The following THBS1 variants were observed in gnomAD, a reference collection of about 807,000 sequenced individuals.
The protein encoded by THBS1 is thrombospondin-1.
A neutral mutation model predicts 126.1 loss-of-function variants in THBS1; 29 were observed. That is an observed-to-expected ratio of 0.23 (90% CI 0.17 to 0.31). The LOEUF (loss-of-function observed/expected upper bound fraction) is 0.31, where lower values mean the gene tolerates loss of function less well. THBS1 is among the 10% of genes least tolerant of loss of function. THBS1 has a pLI of 1.00. For synonymous variants in THBS1, 496 were observed against 577.8 expected, an observed-to-expected ratio of 0.86 and a Z score of 2.03; for missense variants, 1,198 against 1,545.2, an observed-to-expected ratio of 0.78 and a Z score of 3.77.
At position 39,591,505 on chromosome 15, in the gene THBS1, G is replaced by T; in HGVS notation, c.2414G>T (p.Gly805Val). 6.2e-7 allele frequency: 1 copy of T among 1,613,956 alleles called. No individual in the cohort carries two copies. Among genetic ancestry groups the T allele is most frequent in the Non-Finnish European group, 8.5e-7 (1 of 1,179,886 alleles). The change falls in exon 16 of 22, where the codon GGT becomes GTT. Residue 805 changes from glycine to valine, a missense_variant and splice_region_variant. Physicochemically the swap from Gly to Val is moderately radical, Grantham distance 109. Coordinates refer to ENST00000260356, the MANE Select transcript of THBS1 (RefSeq NM_003246.4). ...CTTATTTGTCCCTTGTTCTCTTCAG[G>T]TATCCTCAATGAACGGGACAACTGC... ...DACAADIDGD[G>V]ILNERDNCQY...
In THBS1 at chr15:39,592,523, ATGGTTTATAC is replaced by A. The variant is rs1890346234; in HGVS notation, c.2533-42_2533-33del. The A allele has an allele frequency of 4.0e-6, 6 of 1,491,092 alleles. No homozygotes were observed. In the East Asian group the frequency reaches 1.2e-4, roughly 30 times the overall value. 92.4% of individuals were successfully genotyped at this position (1,491,092 alleles called of 1,614,324 possible). On this transcript the variant is annotated intron_variant, in intron 16 of 21. Coordinates refer to ENST00000260356, the MANE Select transcript of THBS1 (RefSeq NM_003246.4). The surrounding 1 kb of genome is among the most constrained non-coding windows in gnomAD (Gnocchi z 4.3). ...GGGGCATAAGTTATCTTTAACATGA[ATGGTTTATAC>A]TGCAATTTACCCTCCATTTACATCT...
intron 3 of THBS1, 71 bp downstream of exon 3, chr15:39,582,823 A>C (rs879049510): frequency 2.5e-5 from 37 of 1,483,380 alleles, no homozygotes; most frequent in Non-Finnish European, 3.2e-5. Context: ...GGAGGGCTAC[A>C]GGAAATCCTG....
rs761256274 is a variant in THBS1, at chr15:39,592,737, A to G, written c.2702A>G (p.Asp901Gly). 79 of 1,614,072 alleles carry G rather than the reference A, an allele frequency of 4.9e-5. No homozygotes were observed. Among genetic ancestry groups the G allele is most frequent in the Non-Finnish European group, 3.6e-5 (43 of 1,180,050 alleles). ...GCCTGTGACCACGATGATGACAACG[A>G]TGGCATTCCTGATGACAAGGACAAC... ...GDACDHDDDNDGIPDDKDNCR... is the reference protein window; with the variant it reads ...GDACDHDDDNGGIPDDKDNCR... The change falls in exon 17 of 22, where the codon GAT becomes GGT. Residue 901 changes from aspartate (D) to glycine (G), a missense_variant. Asp to Gly is a moderately conservative substitution (Grantham distance 94). Around this residue, in one of 4 missense-constraint regions of THBS1, gnomAD observed 255 missense variants for 373.9 expected, o/e 0.68. Transcript: ENST00000260356. The surrounding 1 kb of genome is among the most constrained non-coding windows in gnomAD (Gnocchi z 4.3).
In THBS1 at chr15:39,591,333, C is replaced by G. The variant is rs146772232; in HGVS notation, c.2396C>G (p.Ala799Gly). ...DNNGEGDACA[A>G]DIDGDGILNE... ...AATGGGGAAGGAGACGCCTGTGCTG[C>G]AGACATTGATGGAGACGGTAAGGTG... Residue 799 changes from alanine (A) to glycine (G), a missense_variant, in exon 15 of 22, where the codon GCA becomes GGA. By Grantham distance (60) the Ala-to-Gly change is moderately conservative. This residue lies in a region of THBS1 where 663 missense variants were observed against 860.1 expected (regional missense o/e 0.77). Transcript: ENST00000260356. The G allele has an allele frequency of 5.6e-6, 9 of 1,613,970 alleles. No homozygotes were observed. In the East Asian group the frequency reaches 2.0e-4, roughly 36 times the overall value.
At position 39,597,937 on chromosome 15, in the gene THBS1, G is replaced by A. The variant is rs762900753; in HGVS notation, c.*2568G>A. ...GGAAGTAAATGTGGATGAGGGAGGAGCTGTCCTTGCAATGTTGAGCCAAGC... is the reference window on the plus strand; with the variant it reads ...GGAAGTAAATGTGGATGAGGGAGGAACTGTCCTTGCAATGTTGAGCCAAGC... On this transcript the variant is annotated 3_prime_UTR_variant, in exon 22 of 22. Transcript: ENST00000260356. 2 of 152,174 alleles carry A rather than the reference G, an allele frequency of 1.3e-5. No homozygotes were observed. The highest frequency in any genetic ancestry group is 2.9e-5 in the Non-Finnish European group (2 of 68,032). The allele number at this position is 152,174 out of a possible 1,614,324, so 9.4% of individuals were successfully genotyped here. A position where few individuals can be genotyped will look rare whatever the true frequency, so the allele number is the denominator to read the frequency against.
Position 39,590,015 on chromosome 15 carries a change from T to C in THBS1, c.2137T>C (p.Cys713Arg). ...GTGCGTGGCCAATGCGACTTACCAC[T>C]GCAAAAAGGTAGAGCCAGGTCCTTT... ...LVCVANATYH[C>R]KKDNCPNLPN... Residue 713 changes from cysteine to arginine, a missense_variant, in exon 13 of 22, where the codon TGC becomes CGC. By Grantham distance (180) the Cys-to-Arg change is radical. Transcript: ENST00000260356. 1 of 1,598,704 alleles carries C rather than the reference T, an allele frequency of 6.3e-7. No individual in the cohort carries two copies. Among genetic ancestry groups the C allele is most frequent in the Non-Finnish European group, 8.5e-7 (1 of 1,172,634 alleles).
rs1055059894 is a variant in THBS1, at chr15:39,593,256, G to C, written c.2995+29G>C. On this transcript the variant is annotated intron_variant, in intron 18 of 21. Coordinates refer to ENST00000260356, the MANE Select transcript of THBS1 (RefSeq NM_003246.4). The surrounding 1 kb of genome is among the most constrained non-coding windows in gnomAD (Gnocchi z 5.9). ...AGTAGCGAGTTCTTAGATCCTAAGA[G>C]ACTGATGCATACATGGGGAAAAACA... 5.6e-6 allele frequency: 9 copies of C among 1,609,674 alleles called. No individual in the cohort carries two copies. In the African/African-American group the frequency reaches 1.2e-4, roughly 22 times the overall value.
In THBS1 at chr15:39,592,995, C is replaced by T; in HGVS notation, c.2768-5C>T. On this transcript the variant is annotated splice_region_variant and splice_polypyrimidine_tract_variant and intron_variant, in intron 17 of 21. Coordinates refer to ENST00000260356, the MANE Select transcript of THBS1 (RefSeq NM_003246.4). This position sits in a 1 kb window ranked among gnomAD's most constrained non-coding sequence, Gnocchi z 4.3. ...TTTGCTGAACTCTTGCTTTTTTGAC[C>T]TCAGGCGATGGTCGAGGTGATGCCT... The T allele has an allele frequency of 6.2e-7, 1 of 1,612,606 alleles. No individual in the cohort carries two copies. The highest frequency in any genetic ancestry group is 2.2e-5 in the East Asian group (1 of 44,884).
rs926678363 is a variant in THBS1 at position 39,598,143 on chromosome 15, T to C, written c.*2774T>C. ...GATTTTTGGATGGGCTAATTATGAA[T>C]GTGGAATACTGACCAGTTAATTTCC... is the stretch of plus-strand genomic sequence containing the variant. On this transcript the variant is annotated 3_prime_UTR_variant, in exon 22 of 22. Coordinates refer to ENST00000260356, the MANE Select transcript of THBS1 (RefSeq NM_003246.4). 3 of 152,214 alleles carry C rather than the reference T, an allele frequency of 2.0e-5. No individual in the cohort carries two copies. Among genetic ancestry groups the C allele is most frequent in the African/African-American group, 7.2e-5 (3 of 41,450 alleles). 9.4% of individuals were successfully genotyped at this position (152,214 alleles called of 1,614,324 possible). A position where few individuals can be genotyped will look rare whatever the true frequency, so the allele number is the denominator to read the frequency against.
rs1435733992 is a variant in THBS1 at position 39,582,226 on chromosome 15, T to G, written c.101T>G (p.Phe34Cys). ...GGAGACAACAGCGTGTTTGACATCT[T>G]TGAACTCACCGGGGCCGCCCGCAAG... ...SGGDNSVFDI[F>C]ELTGAARKGS... is the part of the protein sequence containing the mutation. Residue 34 changes from phenylalanine (F) to cysteine (C), a missense_variant, in exon 3 of 22, where the codon TTT becomes TGT. By Grantham distance (205) the Phe-to-Cys change is radical. Around this residue, in one of 4 missense-constraint regions of THBS1, gnomAD observed 271 missense variants for 277.0 expected, o/e 0.98. Coordinates refer to ENST00000260356, the MANE Select transcript of THBS1 (RefSeq NM_003246.4). 1.2e-6 allele frequency: 2 copies of G among 1,612,058 alleles called. No individual in the cohort carries two copies. Among genetic ancestry groups the G allele is most frequent in the African/African-American group, 1.3e-5 (1 of 74,804 alleles).
Position 39,592,482 on chromosome 15 carries a change from A to T in THBS1, c.2533-86A>T, listed in dbSNP as rs1182168501. On this transcript the variant is annotated intron_variant, in intron 16 of 21. Transcript: ENST00000260356. This position sits in a 1 kb window ranked among gnomAD's most constrained non-coding sequence, Gnocchi z 4.3. ...CCACTGGCTGTATCAAACAATGGAG[A>T]ATTTTCCCTGTGGTGGGGGCATAAG... The T allele has an allele frequency of 8.9e-7, 1 of 1,124,472 alleles. No homozygotes were observed. The highest frequency in any genetic ancestry group is 1.6e-5 in the African/African-American group (1 of 64,490). The allele number at this position is 1,124,472 out of a possible 1,614,324, so 69.7% of individuals were successfully genotyped here.
rs919410157 is a variant in THBS1, at chr15:39,588,591, C to T, written c.1537C>T (p.Gln513Ter). 6.2e-7 allele frequency: 1 copy of T among 1,609,462 alleles called. No individual in the cohort carries two copies. The highest frequency in any genetic ancestry group is 1.1e-5 in the South Asian group (1 of 90,002). The change falls in exon 10 of 22, where the codon CAG becomes TAG. Residue 513 changes from glutamine (Q) to a stop codon, truncating the protein, a stop_gained. Transcript: ENST00000260356. LOFTEE classifies it high-confidence loss of function. Reference protein sequence around the residue: ...ICSVTCGGGVQKRSRLCNNPT... With the variant: ...ICSVTCGGGV Reference sequence around the variant, plus strand: ...TTCTGTCACCTGTGGAGGAGGGGTACAGAAACGTAGTCGTCTCTGCAACAA... The same window carrying T: ...TTCTGTCACCTGTGGAGGAGGGGTATAGAAACGTAGTCGTCTCTGCAACAA...
rs1890497557 is a variant in THBS1 at position 39,597,532 on chromosome 15, C to A, written c.*2163C>A. 3 of 151,746 alleles carry A rather than the reference C, an allele frequency of 2.0e-5. No homozygotes were observed. The highest frequency in any genetic ancestry group is 2.0e-4 in the Admixed American group (3 of 15,226). 9.4% of individuals were successfully genotyped at this position (151,746 alleles called of 1,614,324 possible). A position where few individuals can be genotyped will look rare whatever the true frequency, so the allele number is the denominator to read the frequency against. The stretch of plus-strand genomic sequence containing the variant: ...TGTCATGAAGTATATGCGTAAATAC[C>A]ATTCATAAATCAATATAGCATATAC... On this transcript the variant is annotated 3_prime_UTR_variant, in exon 22 of 22. Coordinates refer to ENST00000260356, the MANE Select transcript of THBS1 (RefSeq NM_003246.4).
In THBS1 at chr15:39,582,650, G is replaced by T; in HGVS notation, c.525G>T (p.Glu175Asp). 3 of 1,613,914 alleles carry T rather than the reference G, an allele frequency of 1.9e-6. No homozygotes were observed. The highest frequency in any genetic ancestry group is 2.5e-6 in the Non-Finnish European group (3 of 1,180,046). Residue 175 changes from glutamate to aspartate, a missense_variant, in exon 3 of 22, where the codon GAG becomes GAT. Glu to Asp is a conservative substitution (Grantham distance 45). This residue lies in a region of THBS1 where 271 missense variants were observed against 277.0 expected (regional missense o/e 0.98). Transcript: ENST00000260356. ...TGTACATCGACTGTGAAAAGATGGAGAATGCTGAGTTGGACGTCCCCATCC... is the reference window on the plus strand; with the variant it reads ...TGTACATCGACTGTGAAAAGATGGATAATGCTGAGTTGGACGTCCCCATCC... ...AQLYIDCEKM[E>D]NAELDVPIQS...
intron 6 of THBS1, 47 bp downstream of exon 6, chr15:39,584,469 G>T: frequency 6.2e-7 from 1 of 1,609,736 alleles, no homozygotes; most frequent in Non-Finnish European, 8.5e-7. Context: ...GCTTTTGTTT[G>T]AACCTACATC....
chr15:39,590,995 C>T, intron 14 of THBS1, 196 bp from the exon 15 acceptor site: 1 of 622,540 alleles, frequency 1.6e-6, no homozygotes, highest in Non-Finnish European at 2.7e-6. Context: ...ACTTCTAACC[C>T]ACAGGGATCC....
intron 21 of THBS1, among the ~76,000 whole-genome samples, chr15:39,595,001 G>A (rs915395375): frequency 2.6e-5 from 4 of 152,130 alleles, no homozygotes; most frequent in Non-Finnish European, 5.9e-5. Context: ...ACTGGGCCAA[G>A]GCCAGATACC....
In THBS1 at chr15:39,597,719, T is replaced by A. The variant is rs1376465072; in HGVS notation, c.*2350T>A. 6.6e-6 allele frequency: 1 copy of A among 152,200 alleles called. No homozygotes were observed. The highest frequency in any genetic ancestry group is 1.5e-5 in the Non-Finnish European group (1 of 68,044). The allele number at this position is 152,200 out of a possible 1,614,324, so 9.4% of individuals were successfully genotyped here. On this transcript the variant is annotated 3_prime_UTR_variant, in exon 22 of 22. Coordinates refer to ENST00000260356, the MANE Select transcript of THBS1 (RefSeq NM_003246.4). ...TCAAAAACATATAAAAGAGAAATTA[T>A]CCCTAAGTCAAGGGCCCCCATAAGA... is the stretch of plus-strand genomic sequence containing the variant.
Position 39,582,497 on chromosome 15 carries a change from G to A in THBS1, c.372G>A (p.Lys124=). 1 of 1,614,188 alleles carries A rather than the reference G, an allele frequency of 6.2e-7. No homozygotes were observed. Among genetic ancestry groups the A allele is most frequent in the Non-Finnish European group, 8.5e-7 (1 of 1,180,018 alleles). The change falls in exon 3 of 22, where the codon AAG becomes AAA. Residue 124 remains lysine (K), a synonymous_variant. Transcript: ENST00000260356. ...TCTTCAGCGTGGTGTCCAATGGCAA[G>A]GCGGGCACCCTGGACCTCAGCCTGA... is the stretch of plus-strand genomic sequence containing the variant. ...GQVFSVVSNG[K]AGTLDLSLTV...
Sources: gnomAD v4.1 joint callset for allele counts (sites outside exome capture counted in the v4.1 genomes callset) on GRCh38, gnomAD v4.1.1 for gene constraint, gnomAD v4.1.1 regional missense constraint, Gnocchi (gnomAD v3.1) non-coding constraint, MANE v1.5 for transcripts, NCBI Gene and HGNC (gene_info 2026-07-23, HGNC 2026-07-21) for gene names.